RNF213: variants seen among roughly 807,000 people sequenced by gnomAD.
The protein encoded by RNF213 is E3 ubiquitin-protein ligase RNF213.
A neutral mutation model predicts 514.4 loss-of-function variants in RNF213; 341 were observed. The ratio of observed to expected loss-of-function variants is 0.66; its 90% CI spans 0.61 to 0.73. The LOEUF is 0.73. RNF213 is among the 30% of genes least tolerant of loss of function. RNF213 has a pLI of 0.00. For synonymous variants in RNF213, 2,655 were observed against 2,658.2 expected (o/e 1.00, Z 0.04); for missense variants, 5,767 against 6,615.6 (o/e 0.87, Z 4.45).
Position 80,350,284 on chromosome 17 carries a change from CTT to C in RNF213, c.10089-16_10089-15del. ...TAAGACAGAGAACTCACTTGAATAACTTCCCTTTTCTTTCAGAAACTGTTTAA... is the reference window on the plus strand; with the variant it reads ...TAAGACAGAGAACTCACTTGAATAACCCCTTTTCTTTCAGAAACTGTTTAA... On this transcript the variant is annotated splice_polypyrimidine_tract_variant and intron_variant, in intron 30 of 67. Coordinates refer to ENST00000582970, the MANE Select transcript of RNF213 (RefSeq NM_001256071.3). 1 of 1,475,546 alleles carries C rather than the reference CTT, an allele frequency of 6.8e-7. No homozygotes were observed. Among genetic ancestry groups the C allele is most frequent in the Non-Finnish European group, 9.5e-7 (1 of 1,053,868 alleles). The allele number at this position is 1,475,546 out of a possible 1,614,324, so 91.4% of individuals were successfully genotyped here. A position where few individuals can be genotyped will look rare whatever the true frequency, so the allele number is the denominator to read the frequency against.
At chr17:80,371,140 C>CTATT (rs1221803432) in intron 46 of RNF213, among the ~76,000 whole-genome samples, 24 of 152,128 alleles carry the variant, frequency 1.6e-4, no homozygotes, top group Non-Finnish European at 3.5e-4. Flanking sequence ...AGAAAAAAAT[C>CTATT]TATTTAAAGT....
intron 16 of RNF213, among the ~76,000 whole-genome samples, chr17:80,318,789 G>C (rs1435136128): frequency 2.0e-5 from 3 of 152,046 alleles, no homozygotes; most frequent in Non-Finnish European, 4.4e-5. Flanking sequence ...TAGCCAGGAT[G>C]GTCTCGATCT....
chr17:80,398,746 A>C lies in RNF213; in HGVS notation c.*5248A>C, dbSNP rs2080709039. 6.6e-6 allele frequency: 1 copy of C among 152,192 alleles called. No individual in the cohort carries two copies. Among genetic ancestry groups the C allele is most frequent in the Non-Finnish European group, 1.5e-5 (1 of 68,056 alleles). 9.4% of individuals were successfully genotyped at this position (152,192 alleles called of 1,614,324 possible). A position where few individuals can be genotyped will look rare whatever the true frequency, so the allele number is the denominator to read the frequency against. On this transcript the variant is annotated 3_prime_UTR_variant, in exon 68 of 68. Coordinates refer to ENST00000582970, the MANE Select transcript of RNF213 (RefSeq NM_001256071.3). ...GAGAGAAAGAGACAGAGGCAAAAGG[A>C]AAGTCAAAGAGAAAGAGACAGAAAA...
chr17:80,281,550 CCCCCCA>C (rs2044291368), intron 3 of RNF213, among the ~76,000 whole-genome samples: 4 of 53,422 alleles, frequency 7.5e-5, no homozygotes, highest in Admixed American at 2.2e-4. Flanking sequence ...CACTCACACA[CCCCCCA>C]AGACAAACGC....
At chr17:80,290,161 C>T (rs777347773) in intron 6 of RNF213, among the ~76,000 whole-genome samples, 1 of 152,226 alleles carries the variant, frequency 6.6e-6, no homozygotes, top group African/African-American at 2.4e-5. Context: ...GAGTGGCCAC[C>T]TCTTCTTCCT....
intron 11 of RNF213, among the ~76,000 whole-genome samples, chr17:80,302,680 C>G (rs1190157609): frequency 6.6e-6 from 1 of 152,016 alleles, no homozygotes; most frequent in African/African-American, 2.4e-5. Context: ...CATAGTAAAA[C>G]CCAGTTTCTA....
intron 50 of RNF213, chr17:80,374,801 A>G: frequency 1.7e-6 from 1 of 573,058 alleles, no homozygotes; most frequent in South Asian, 1.9e-5. Flanking sequence ...ATGACAGTTG[A>G]GCTGGGTTGA....
chr17:80,333,355 C>T (rs542867046), intron 21 of RNF213, among the ~76,000 whole-genome samples: 56 of 151,142 alleles, frequency 3.7e-4, no homozygotes, highest in Admixed American at 1.2e-3. Context: ...CCACCGTGCC[C>T]GGCTGAGTCT....
rs1245325206 is a variant in RNF213, at chr17:80,379,609, C to G, written c.13546-11C>G. ...TCCAGAAGTGGTTCTAGTGCCCTGT[C>G]TTCACCCTAGTGTGGCAGGCCGATG... On this transcript the variant is annotated splice_polypyrimidine_tract_variant and intron_variant, in intron 54 of 67. Transcript: ENST00000582970. The G allele has an allele frequency of 6.2e-6, 10 of 1,613,506 alleles. No individual in the cohort carries two copies. Among genetic ancestry groups the G allele is most frequent in the Non-Finnish European group, 7.6e-6 (9 of 1,179,544 alleles).
intron 3 of RNF213, among the ~76,000 whole-genome samples, chr17:80,286,343 T>TA (rs1191542803): frequency 6.6e-6 from 1 of 152,032 alleles, no homozygotes; most frequent in African/African-American, 2.4e-5. Flanking sequence ...CCTCTGAATT[T>TA]AAAAAGGAGG....
intron 46 of RNF213, 83 bp from the exon 47 acceptor site, chr17:80,371,791 G>A (rs1032091358): frequency 1.7e-5 from 13 of 748,108 alleles, no homozygotes; most frequent in Admixed American, 1.2e-4. Flanking sequence ...CAGGACAGAC[G>A]ACCGATAGAT....
chr17:80,281,469 CTCACACACCCCCCA>C (rs2044279078), intron 3 of RNF213, among the ~76,000 whole-genome samples: 5 of 140,746 alleles, frequency 3.6e-5, no homozygotes, highest in South Asian at 2.4e-4. Context: ...ACTCACAACA[CTCACACACCCCCCA>C]ACATACATAC....
intron 36 of RNF213, 27 bp downstream of exon 36, chr17:80,354,603 T>G: frequency 6.2e-7 from 1 of 1,613,596 alleles, no homozygotes; most frequent in East Asian, 2.2e-5. Flanking sequence ...AAGCAAGGAG[T>G]GGCTCCAATC....
At chr17:80,273,427 C>G in intron 3 of RNF213, 23 bp downstream of exon 3, 1 of 1,610,348 alleles carries the variant, frequency 6.2e-7, no homozygotes, top group Non-Finnish European at 8.5e-7. Flanking sequence ...CCTCGGCTCC[C>G]CTCCGCCCCC....
At position 80,291,843 on chromosome 17, in the gene RNF213, A is replaced by C. The variant is rs767047925; in HGVS notation, c.1471+16A>C. 4 of 1,613,888 alleles carry C rather than the reference A, an allele frequency of 2.5e-6. No individual in the cohort carries two copies. The highest frequency in any genetic ancestry group is 3.4e-6 in the Non-Finnish European group (4 of 1,179,998). On this transcript the variant is annotated intron_variant, in intron 8 of 67. Transcript: ENST00000582970. ...GGCTCAGGAGGTAAGTCGTGGCAGC[A>C]GGCTGTCTGCTCACCCCTCCGGAGT...
intron 25 of RNF213, among the ~76,000 whole-genome samples, chr17:80,338,970 A>G (rs1472231400): frequency 6.6e-6 from 1 of 151,856 alleles, no homozygotes; most frequent in Non-Finnish European, 1.5e-5. Flanking sequence ...AAAAAAAAAA[A>G]AAATTAAAAC....
chr17:80,373,495 G>A (rs1008837708), intron 49 of RNF213, among the ~76,000 whole-genome samples: 4 of 152,000 alleles, frequency 2.6e-5, no homozygotes, highest in South Asian at 4.1e-4. Flanking sequence ...ACTGCCTGCT[G>A]TAGGGCCAAG....
intron 3 of RNF213, among the ~76,000 whole-genome samples, chr17:80,275,069 GGTGTGTGAGTGGGGTGTGTTGGGT>G (rs1567998722): frequency 2.2e-5 from 3 of 137,188 alleles, no homozygotes; most frequent in Non-Finnish European, 1.6e-5. Flanking sequence ...GTGAGTTGGG[GGTGTGTGAGTGGGGTGTGTTGGGT>G]GTGTGTGTGT....
In RNF213 at chr17:80,332,227, C is replaced by T; in HGVS notation, c.3739C>T (p.Pro1247Ser). 2 of 1,537,196 alleles carry T rather than the reference C, an allele frequency of 1.3e-6. No individual in the cohort carries two copies. Among genetic ancestry groups the T allele is most frequent in the South Asian group, 1.2e-5 (1 of 84,054 alleles). ...WREAAEPLSE[P>S]KEDQEAAELL... ...GGAAGCCGCAGAGCCGCTGAGTGAG[C>T]CTAAGGAGGACCAGGAAGCCGCAGA... Residue 1247 changes from proline (P) to serine (S), a missense_variant, in exon 21 of 68, where the codon CCT (proline) becomes TCT (serine). This residue lies in a region of RNF213 where 516 missense variants were observed against 566.5 expected (regional missense o/e 0.91). Coordinates refer to ENST00000582970, the MANE Select transcript of RNF213 (RefSeq NM_001256071.3).
Sources: gnomAD v4.1 joint callset for allele counts (sites outside exome capture counted in the v4.1 genomes callset) on GRCh38, gnomAD v4.1.1 for gene constraint, gnomAD v4.1.1 regional missense constraint, MANE v1.5 for transcripts, NCBI Gene and HGNC (gene_info 2026-07-23, HGNC 2026-07-21) for gene names.